The following SEPTIN3 variants were observed in gnomAD, a reference collection of about 807,000 sequenced individuals.
The protein encoded by SEPTIN3 is neuronal-specific septin-3.
Under a neutral mutation model 45.1 loss-of-function variants are expected in SEPTIN3, and 15 were observed. The observed-to-expected ratio is 0.33, with a 90% CI of 0.22 to 0.51. The LOEUF (loss-of-function observed/expected upper bound fraction) is 0.51. Among genes scored for constraint, SEPTIN3 ranks in the 20% least tolerant of loss-of-function variants. The pLI is 0.97. For synonymous variants in SEPTIN3, 148 were observed against 164.8 expected, an observed-to-expected ratio of 0.90 and a Z score of 0.78; for missense variants, 289 against 457.2, an observed-to-expected ratio of 0.63 and a Z score of 3.35.
chr22:41,977,154 G>A, intron 2 of SEPTIN3: 1 of 1,462,700 alleles, frequency 6.8e-7, no homozygotes, highest in Non-Finnish European at 9.2e-7. Flanking sequence ...GCGCTCCTGG[G>A]GGAGGGTTTC....
Position 41,981,744 on chromosome 22 carries a change from A to G in SEPTIN3, c.1604A>G (p.Asn535Ser), listed in dbSNP as rs2078124719. Residue 535 changes from asparagine to serine, a missense_variant, in exon 3 of 12, where the codon AAC becomes AGC. Physicochemically the swap from Asn to Ser is conservative, Grantham distance 46 (BLOSUM62 1). Coordinates refer to ENST00000644076, the MANE Select transcript of SEPTIN3 (RefSeq NM_001363845.2). ...ATGAAGCCCATGAGCATCAACTCCAACCTGCTGGGCTACATCGGCATCGAC... is the reference window on the plus strand; with the variant it reads ...ATGAAGCCCATGAGCATCAACTCCAGCCTGCTGGGCTACATCGGCATCGAC... ...VPMKPMSINS[N>S]LLGYIGIDTI... 1.9e-6 allele frequency: 3 copies of G among 1,613,880 alleles called. No individual in the cohort carries two copies. Among genetic ancestry groups the G allele is most frequent in the African/African-American group, 1.3e-5 (1 of 74,894 alleles).
intron 3 of SEPTIN3, among the ~76,000 whole-genome samples, chr22:41,983,343 G>T (rs2078151965): frequency 6.6e-6 from 1 of 152,218 alleles, no homozygotes; most frequent in South Asian, 2.1e-4. Flanking sequence ...TGGTAGCTGG[G>T]CCCCTATGGG....
At chr22:41,992,071 G>A (rs5758536) in intron 8 of SEPTIN3, among the ~76,000 whole-genome samples, 9 of 151,666 alleles carry the variant, frequency 5.9e-5, no homozygotes, top group East Asian at 1.9e-4. Context: ...GGCTTCCCCC[G>A]CTAGAATAAC....
At position 41,983,811 on chromosome 22, in the gene SEPTIN3, G is replaced by A. The variant is rs181610350; in HGVS notation, c.1696+1975G>A. 5.3e-3 allele frequency among the ~76,000 whole-genome samples: 807 copies of A among 152,300 alleles called. 5 individuals carry two copies. In the Middle Eastern group the frequency reaches 0.092, roughly 17 times the overall value. On this transcript the variant is annotated intron_variant, in intron 3 of 11. Transcript: ENST00000644076. ...TACCCTGTGGCTATTCTCTTTCACA[G>A]TGGTTATTGCAACATACTATAATTG...
rs1388878251 is a variant in SEPTIN3 at position 41,980,272 on chromosome 22, G to C, written c.1505-1373G>C. ...CCTGCCTCAGCCTCCTGAGTAGCTA[G>C]GATTACAGGCGCCTGCCACCATGCC... On this transcript the variant is annotated intron_variant, in intron 2 of 11. Transcript: ENST00000644076. Among the ~76,000 whole-genome samples the C allele has an allele frequency of 2.0e-5, 3 of 151,640 alleles. No homozygotes were observed. The East Asian group carries it at 5.8e-4, about 29-fold the overall frequency.
intron 4 of SEPTIN3, 126 bp downstream of exon 4, chr22:41,986,238 G>T: frequency 8.6e-7 from 1 of 1,160,736 alleles, no homozygotes. Context: ...ACAGACGTGA[G>T]CACTTCACTC....
intron 2 of SEPTIN3, among the ~76,000 whole-genome samples, chr22:41,980,129 C>CGT: frequency 9.7e-6 from 1 of 103,408 alleles, no homozygotes; most frequent in African/African-American, 5.2e-5. Flanking sequence ...TGCTCAGTGC[C>CGT]TTTTTTTTTT....
chr22:41,985,394 G>C (rs1363723463), intron 3 of SEPTIN3, among the ~76,000 whole-genome samples: 2 of 152,156 alleles, frequency 1.3e-5, no homozygotes, highest in Non-Finnish European at 2.9e-5. Context: ...AAGAAAGAGT[G>C]GATATAGAGC....
At position 41,981,809 on chromosome 22, in the gene SEPTIN3, G is replaced by C. The variant is rs1288451801; in HGVS notation, c.1669G>C (p.Gly557Arg). The C allele has an allele frequency of 6.2e-7, 1 of 1,613,856 alleles. No individual in the cohort carries two copies. The highest frequency in any genetic ancestry group is 1.7e-5 in the Admixed American group (1 of 59,962). Reference sequence around the variant, plus strand: ...GATGCGCAAGAAGACCATGAAGACCGGTTTCGACTTCAACATCATGGTCGT... The same window carrying C: ...GATGCGCAAGAAGACCATGAAGACCCGTTTCGACTTCAACATCATGGTCGT... The part of the protein sequence containing the change: ...EQMRKKTMKT[G>R]FDFNIMVVGQ... The change falls in exon 3 of 12, where the codon GGT becomes CGT. Residue 557 changes from glycine (G) to arginine (R), a missense_variant. Physicochemically the swap from Gly to Arg is moderately radical, Grantham distance 125. Transcript: ENST00000644076.
intron 7 of SEPTIN3, among the ~76,000 whole-genome samples, chr22:41,990,614 C>T (rs1436438675): frequency 1.5e-4 from 23 of 150,954 alleles, no homozygotes; most frequent in Non-Finnish European, 2.7e-4. Context: ...GGTGTGGTGG[C>T]GGGTGCCTGT....
chr22:41,985,053 C>T (rs2078183525), intron 3 of SEPTIN3, among the ~76,000 whole-genome samples: 1 of 151,646 alleles, frequency 6.6e-6, no homozygotes, highest in African/African-American at 2.4e-5. Context: ...GACGGTGTTT[C>T]ACCGTGTTAG....
intron 7 of SEPTIN3, among the ~76,000 whole-genome samples, chr22:41,990,471 C>T (rs185280148): frequency 5.9e-4 from 89 of 150,860 alleles, no homozygotes; most frequent in African/African-American, 1.7e-3. Flanking sequence ...TCCAGTTGGG[C>T]GTGGTGGCTC....
chr22:41,974,420 T>G (rs1314567112), intron 2 of SEPTIN3, among the ~76,000 whole-genome samples: 1 of 151,758 alleles, frequency 6.6e-6, no homozygotes, highest in Non-Finnish European at 1.5e-5. Flanking sequence ...ATCCCAGAAC[T>G]TTGGGAGGCC....
chr22:41,969,932 G>A (rs2077941847), intron 1 of SEPTIN3, among the ~76,000 whole-genome samples: 1 of 152,112 alleles, frequency 6.6e-6, no homozygotes, highest in Admixed American at 6.5e-5. Context: ...GGAGGGGGCA[G>A]AAGTTCAGGG....
intron 3 of SEPTIN3, among the ~76,000 whole-genome samples, chr22:41,984,333 C>T (rs990537470): frequency 6.6e-6 from 1 of 152,122 alleles, no homozygotes; most frequent in African/African-American, 2.4e-5. Context: ...ATTCACCAGC[C>T]CAGTATTTCT....
chr22:41,995,198 G>A, intron 11 of SEPTIN3: 1 of 1,020,152 alleles, frequency 9.8e-7, no homozygotes, highest in African/African-American at 1.7e-5. Flanking sequence ...ACAGATGGCA[G>A]TGGAGCTAGA....
rs7290907 is a variant in SEPTIN3, at chr22:41,994,205, G to A, written c.2360-85G>A. 383,982 of 1,338,788 alleles carry A rather than the reference G, an allele frequency of 0.29. 58,623 individuals carry two copies. The highest frequency in any genetic ancestry group is 0.43 in the Admixed American group (24,936 of 57,902). The allele number at this position is 1,338,788 out of a possible 1,614,324, so 82.9% of individuals were successfully genotyped here. ...CCATAGCTTTCTCCTAAATGCCTCCGTGACCCAAACAGAAGCTCACCTCCT... is the reference window on the plus strand; with the variant it reads ...CCATAGCTTTCTCCTAAATGCCTCCATGACCCAAACAGAAGCTCACCTCCT... On this transcript the variant is annotated intron_variant, in intron 9 of 11. Transcript: ENST00000644076. The surrounding 1 kb of genome is among the most constrained non-coding windows in gnomAD (Gnocchi z 4.2).
At chr22:41,970,967 C>T (rs570573231) in intron 1 of SEPTIN3, among the ~76,000 whole-genome samples, 3 of 152,348 alleles carry the variant, frequency 2.0e-5, no homozygotes, top group African/African-American at 7.2e-5. Context: ...AATTGGTCCT[C>T]TCTCATCCTG....
intron 3 of SEPTIN3, among the ~76,000 whole-genome samples, chr22:41,984,028 G>C (rs2078162921): frequency 6.6e-6 from 1 of 152,204 alleles, no homozygotes; most frequent in African/African-American, 2.4e-5. Flanking sequence ...TCTCTCCCCA[G>C]TGGTGTGCAT....
Sources: allele counts gnomAD v4.1 joint callset (sites outside exome capture counted in the v4.1 genomes callset), GRCh38; gene constraint gnomAD v4.1.1; non-coding constraint Gnocchi (gnomAD v3.1); transcripts MANE v1.5; gene names NCBI Gene and HGNC (gene_info 2026-07-23, HGNC 2026-07-21).